ALK: variants seen among roughly 807,000 people sequenced by gnomAD.
ALK encodes the protein ALK tyrosine kinase receptor.
In ALK, 74 loss-of-function variants were observed where a neutral mutation model predicts 163.1. The observed-to-expected ratio is 0.45, with a 90% CI of 0.38 to 0.55. The LOEUF (loss-of-function observed/expected upper bound fraction) is 0.55. Among genes scored for constraint, ALK ranks in the 20% least tolerant of loss-of-function variants. The pLI is 0.00. For synonymous variants in ALK, 960 were observed against 843.2 expected, an observed-to-expected ratio of 1.14 and a Z score of -2.40; for missense variants, 2,063 against 2,105.3, an observed-to-expected ratio of 0.98 and a Z score of 0.39.
intron 4 of ALK, among the ~76,000 whole-genome samples, chr2:29,470,557 C>G (rs1014269068): frequency 6.6e-6 from 1 of 152,052 alleles, no homozygotes; most frequent in Admixed American, 6.6e-5. Flanking sequence ...GCAAGGAAGG[C>G]CGAAAGAGAA....
At chr2:29,316,016 T>C (rs1486498798) in intron 8 of ALK, among the ~76,000 whole-genome samples, 1 of 151,920 alleles carries the variant, frequency 6.6e-6, no homozygotes, top group Non-Finnish European at 1.5e-5. Context: ...GTTGGTGGGG[T>C]TTGAAAGCCC....
intron 3 of ALK, among the ~76,000 whole-genome samples, chr2:29,671,616 T>G (rs1014569936): frequency 2.6e-5 from 4 of 152,190 alleles, no homozygotes; most frequent in African/African-American, 9.6e-5. Flanking sequence ...GAGGAAAGAT[T>G]TTCTATGAAC....
intron 1 of ALK, among the ~76,000 whole-genome samples, chr2:29,719,204 C>T (rs577243739): frequency 2.0e-5 from 3 of 152,254 alleles, no homozygotes; most frequent in South Asian, 4.1e-4. Flanking sequence ...TTAATCTCTG[C>T]TTTCCATAGC....
In ALK at chr2:29,735,630, G is replaced by A. The variant is rs553044023; in HGVS notation, c.668-17933C>T. Among the ~76,000 whole-genome samples the A allele has an allele frequency of 5.0e-4, 76 of 152,030 alleles. 1 individual carries two copies. Among genetic ancestry groups the A allele is most frequent in the Admixed American group, 1.6e-3 (24 of 15,282 alleles). On this transcript the variant is annotated intron_variant, in intron 1 of 28. Coordinates refer to ENST00000389048, the MANE Select transcript of ALK (RefSeq NM_004304.5). The stretch of plus-strand genomic sequence containing the variant: ...ATTGTAGTTCCCATAATCTCCACAC[G>A]TCATGGGAGGGGCCCAGTGGGAGGT...
At chr2:29,898,503 G>T (rs1455892116) in intron 1 of ALK, among the ~76,000 whole-genome samples, 1 of 152,176 alleles carries the variant, frequency 6.6e-6, no homozygotes, top group Non-Finnish European at 1.5e-5. Context: ...GCCTTTTAAG[G>T]ATAATAATTA....
At chr2:29,274,410 A>C (rs2339470) in intron 11 of ALK, among the ~76,000 whole-genome samples, 132,607 of 152,304 alleles carry the variant, frequency 0.87, 59,634 homozygotes, top group Non-Finnish European at 0.99. Flanking sequence ...AGGCCCAGGC[A>C]CCAGTGCCTG....
chr2:29,782,055 C>T (rs934010064), intron 1 of ALK, among the ~76,000 whole-genome samples: 1 of 152,204 alleles, frequency 6.6e-6, no homozygotes, highest in Non-Finnish European at 1.5e-5. Context: ...TAGATTTCCC[C>T]TTATCTGCTT....
At chr2:29,866,225 AT>A (rs1666431784) in intron 1 of ALK, among the ~76,000 whole-genome samples, 1 of 152,146 alleles carries the variant, frequency 6.6e-6, no homozygotes, top group African/African-American at 2.4e-5. Flanking sequence ...AGGCCACTTC[AT>A]CCCTCAAGAG....
intron 1 of ALK, among the ~76,000 whole-genome samples, chr2:29,821,855 T>C (rs1253039585): frequency 6.6e-6 from 1 of 152,196 alleles, no homozygotes; most frequent in Non-Finnish European, 1.5e-5. Flanking sequence ...CCCTTCCCAC[T>C]GTAGCCTTTC....
chr2:29,229,187 GC>G, intron 15 of ALK, 121 bp from the exon 16 acceptor site: 2 of 865,356 alleles, frequency 2.3e-6, no homozygotes, highest in Non-Finnish European at 3.8e-6. Flanking sequence ...AGCTCCCGGG[GC>G]CCATCTTCAG....
At chr2:29,716,585 G>C (rs560901033) in intron 2 of ALK, among the ~76,000 whole-genome samples, 2 of 152,304 alleles carry the variant, frequency 1.3e-5, no homozygotes, top group African/African-American at 4.8e-5. Flanking sequence ...ACCCGGGTGG[G>C]TAGGTGGTAC....
intron 3 of ALK, among the ~76,000 whole-genome samples, chr2:29,548,861 G>T (rs7580098): frequency 0.82 from 124,417 of 152,076 alleles, 51,066 homozygotes; most frequent in East Asian, 0.97. Flanking sequence ...ACATTATGAC[G>T]AGTGGCTACA....
At chr2:29,215,054 G>C (rs1183128375) in intron 23 of ALK, among the ~76,000 whole-genome samples, 1 of 152,232 alleles carries the variant, frequency 6.6e-6, no homozygotes, top group Non-Finnish European at 1.5e-5. Context: ...CACGCAGGTA[G>C]GGGGTCAAAT....
In ALK at chr2:29,920,318, T is replaced by G; in HGVS notation, c.342A>C (p.Ser114=). The G allele has an allele frequency of 6.4e-7, 1 of 1,556,038 alleles. No homozygotes were observed. The highest frequency in any genetic ancestry group is 8.7e-7 in the Non-Finnish European group (1 of 1,151,410). Reference sequence around the variant, plus strand: ...GCGTCCGGGCCTCTGCCGGGGCTGGTGAACCGGCGGTCCAGGAGACCCCCG... The same window carrying G: ...GCGTCCGGGCCTCTGCCGGGGCTGGGGAACCGGCGGTCCAGGAGACCCCCG... ...PAPGVSWTAG[S]PAPAEARTLS... The change falls in exon 1 of 29, where the codon TCA becomes TCC. Residue 114 remains serine (S), a synonymous_variant. Transcript: ENST00000389048.
intron 3 of ALK, among the ~76,000 whole-genome samples, chr2:29,685,283 C>A (rs1359373597): frequency 6.6e-6 from 1 of 152,112 alleles, no homozygotes; most frequent in Non-Finnish European, 1.5e-5. Flanking sequence ...CACCTTCAGG[C>A]TCTCTCTACA....
chr2:29,207,173 T>C lies in ALK; in HGVS notation c.3936A>G (p.Thr1312=), dbSNP rs778321129. The C allele has an allele frequency of 1.2e-6, 2 of 1,612,746 alleles. No homozygotes were observed. The highest frequency in any genetic ancestry group is 1.7e-6 in the Non-Finnish European group (2 of 1,178,768). ...MEGIFTSKTD[T]WSFGVLLWEI... is the part of the protein sequence containing the mutation. Reference sequence around the variant, plus strand: ...CTGGAGGATGATGGCTGACTTACCATGTGTCTGTTTTAGAAGTGAATATTC... The same window carrying C: ...CTGGAGGATGATGGCTGACTTACCACGTGTCTGTTTTAGAAGTGAATATTC... Residue 1312 remains threonine, a splice_region_variant and synonymous_variant, in exon 26 of 29, where the codon ACA becomes ACG. Transcript: ENST00000389048.
chr2:29,334,556 C>T (rs1667552333), intron 5 of ALK, among the ~76,000 whole-genome samples: 1 of 152,208 alleles, frequency 6.6e-6, no homozygotes, highest in Non-Finnish European at 1.5e-5. Context: ...GCCCTTCACC[C>T]ACACACCTTG....
intron 2 of ALK, among the ~76,000 whole-genome samples, chr2:29,715,951 C>G (rs1312068432): frequency 6.6e-6 from 1 of 152,098 alleles, no homozygotes; most frequent in East Asian, 1.9e-4. Context: ...TTATAAACTG[C>G]CCCAGGGTTT....
chr2:29,447,189 A>G (rs894319709), intron 4 of ALK, among the ~76,000 whole-genome samples: 1 of 151,412 alleles, frequency 6.6e-6, no homozygotes, highest in African/African-American at 2.4e-5. Context: ...GGCACTCAAG[A>G]CCCTCCACAA....
Sources: allele counts gnomAD v4.1 joint callset (sites outside exome capture counted in the v4.1 genomes callset), GRCh38; gene constraint gnomAD v4.1.1; transcripts MANE v1.5; gene names NCBI Gene and HGNC (gene_info 2026-07-23, HGNC 2026-07-21).